CEP112: variants seen among roughly 807,000 people sequenced by gnomAD.
The protein encoded by CEP112 is centrosomal protein of 112 kDa.
Under a neutral mutation model 153.0 loss-of-function variants are expected in CEP112, and 127 were observed. The observed-to-expected ratio is 0.83, with a 90% CI of 0.72 to 0.96. CEP112 has a LOEUF of 0.96. CEP112 is among the 40% of genes least tolerant of loss of function. The probability of loss-of-function intolerance (pLI) is 0.00; values close to 1 mark genes in which losing one functional copy is unlikely to be tolerated. For synonymous variants in CEP112, 358 were observed against 374.4 expected (o/e 0.96, Z 0.51); for missense variants, 1,089 against 1,101.2 (o/e 0.99, Z 0.16).
intron 6 of CEP112, among the ~76,000 whole-genome samples, chr17:66,128,864 A>C (rs113953734): frequency 1.3e-5 from 2 of 152,200 alleles, no homozygotes; most frequent in African/African-American, 4.8e-5. Context: ...AGCATTTATA[A>C]TAAATTTTGT....
At chr17:65,666,442 G>A (rs9903648) in intron 24 of CEP112, among the ~76,000 whole-genome samples, 29,968 of 151,956 alleles carry the variant, frequency 0.2, 3,534 homozygotes, top group East Asian at 0.43. Flanking sequence ...GTGTAATCTA[G>A]GGTTCATTGG....
chr17:65,981,417 C>T (rs1848647159), intron 17 of CEP112, among the ~76,000 whole-genome samples: 1 of 152,204 alleles, frequency 6.6e-6, no homozygotes, highest in Admixed American at 6.5e-5. Context: ...AAGTCACCAA[C>T]ATGGAAGATG....
chr17:65,668,017 C>T (rs1302898537), intron 24 of CEP112, among the ~76,000 whole-genome samples: 1 of 152,022 alleles, frequency 6.6e-6, no homozygotes, highest in Non-Finnish European at 1.5e-5. Flanking sequence ...CTGGTTCAGC[C>T]TCCCAAGTAG....
intron 12 of CEP112, among the ~76,000 whole-genome samples, chr17:66,046,708 A>G (rs1019659375): frequency 5.3e-5 from 8 of 152,322 alleles, no homozygotes; most frequent in Middle Eastern, 3.4e-3. Flanking sequence ...AGTTAAAATG[A>G]TATCATACTG....
intron 18 of CEP112, among the ~76,000 whole-genome samples, chr17:65,947,303 A>G (rs2061681631): frequency 6.6e-6 from 1 of 152,162 alleles, no homozygotes; most frequent in Non-Finnish European, 1.5e-5. Flanking sequence ...ATGCCTATAA[A>G]TAAGCTGTGT....
At chr17:66,085,395 T>G (rs1289535043) in intron 8 of CEP112, among the ~76,000 whole-genome samples, 1 of 152,152 alleles carries the variant, frequency 6.6e-6, no homozygotes, top group Admixed American at 6.5e-5. Context: ...TAAGGACAAC[T>G]TGTCAACGTC....
intron 21 of CEP112, among the ~76,000 whole-genome samples, chr17:65,793,534 T>C (rs892444847): frequency 2.0e-5 from 3 of 152,220 alleles, no homozygotes; most frequent in African/African-American, 4.8e-5. Flanking sequence ...ACTAAAAATG[T>C]CTTCCTCTAA....
intron 8 of CEP112, among the ~76,000 whole-genome samples, chr17:66,074,821 C>G (rs1344025359): frequency 6.8e-6 from 1 of 147,574 alleles, no homozygotes; most frequent in Non-Finnish European, 1.5e-5. Flanking sequence ...CAAGATCGTG[C>G]CACTGCACTC....
chr17:65,950,867 G>C (rs1204622214), intron 18 of CEP112, among the ~76,000 whole-genome samples: 2 of 151,988 alleles, frequency 1.3e-5, no homozygotes, highest in African/African-American at 4.8e-5. Context: ...TATTAGCTGT[G>C]GAGTTTTCAT....
chr17:66,083,795 G>C (rs1385706009), intron 8 of CEP112, among the ~76,000 whole-genome samples: 2 of 152,138 alleles, frequency 1.3e-5, no homozygotes, highest in South Asian at 4.1e-4. Flanking sequence ...AGGTTGCAGT[G>C]AGCCAAGATT....
intron 1 of CEP112, among the ~76,000 whole-genome samples, chr17:66,187,801 T>C (rs1451271123): frequency 6.6e-6 from 1 of 152,198 alleles, no homozygotes; most frequent in African/African-American, 2.4e-5. Flanking sequence ...CCTGGACCTA[T>C]TCACTAATGT....
At chr17:66,048,959 G>T (rs140341140) in intron 12 of CEP112, among the ~76,000 whole-genome samples, 15 of 152,264 alleles carry the variant, frequency 9.9e-5, no homozygotes, top group African/African-American at 3.6e-4. Context: ...GTTAAAATAA[G>T]AACTTCTTTC....
intron 21 of CEP112, among the ~76,000 whole-genome samples, chr17:65,799,772 T>C (rs1252132759): frequency 6.6e-6 from 1 of 152,214 alleles, no homozygotes; most frequent in Non-Finnish European, 1.5e-5. Flanking sequence ...CAAAAGGTAA[T>C]AATCCTTTAT....
chr17:65,954,323 A>T (rs1015401507), intron 18 of CEP112, among the ~76,000 whole-genome samples: 2 of 152,162 alleles, frequency 1.3e-5, no homozygotes, highest in African/African-American at 4.8e-5. Flanking sequence ...CCAAATCACC[A>T]CATCAAGGGA....
intron 21 of CEP112, among the ~76,000 whole-genome samples, chr17:65,810,207 G>GA (rs2055864173): frequency 6.6e-6 from 1 of 152,174 alleles, no homozygotes; most frequent in African/African-American, 2.4e-5. Context: ...GATAAACAAA[G>GA]ACGTGGCACA....
chr17:65,847,981 C>T (rs891522878), intron 21 of CEP112, among the ~76,000 whole-genome samples: 4 of 152,086 alleles, frequency 2.6e-5, no homozygotes, highest in African/African-American at 4.8e-5. Flanking sequence ...GCCTTGTAGC[C>T]GAGGGCTGAG....
intron 18 of CEP112, among the ~76,000 whole-genome samples, chr17:65,950,319 G>A (rs1005791786): frequency 6.6e-6 from 1 of 151,932 alleles, no homozygotes; most frequent in African/African-American, 2.4e-5. Flanking sequence ...GTCAATTATC[G>A]GAGAATTACC....
chr17:65,653,853 G>A (rs1160459970), intron 24 of CEP112, among the ~76,000 whole-genome samples: 1 of 151,960 alleles, frequency 6.6e-6, no homozygotes, highest in Non-Finnish European at 1.5e-5. Context: ...AAGGTCAGGA[G>A]GTCAAGACCA....
At chr17:66,129,962 G>A in intron 5 of CEP112, 139 bp from the exon 6 acceptor site, 4 of 510,576 alleles carry the variant, frequency 7.8e-6, no homozygotes, top group Non-Finnish European at 1.0e-5. Context: ...AAGGAAAAAA[G>A]GAAGAAAGGA....
Sources: allele counts gnomAD v4.1 joint callset (sites outside exome capture counted in the v4.1 genomes callset), GRCh38; gene constraint gnomAD v4.1.1; transcripts MANE v1.5; gene names NCBI Gene and HGNC (gene_info 2026-07-23, HGNC 2026-07-21).